The following KCNIP4 variants were observed in gnomAD, a reference collection of about 807,000 sequenced individuals.
KCNIP4 encodes Kv channel-interacting protein 4.
KCNIP4 carries 12 observed loss-of-function variants against 34.0 expected under a neutral mutation model. The ratio of observed to expected loss-of-function variants is 0.35; its 90% CI spans 0.23 to 0.57. The LOEUF is 0.57. Among genes scored for constraint, KCNIP4 ranks in the 20% least tolerant of loss-of-function variants. The pLI, the probability that KCNIP4 is intolerant of heterozygous loss-of-function variation, is 0.83. For missense variants in KCNIP4, 238 were observed against 311.7 expected (o/e 0.76, Z 1.78); for synonymous variants, 124 against 102.2 (o/e 1.21, Z -1.29).
intron 1 of KCNIP4, chr4:21,845,944 A>G (rs1027722322): frequency 6.6e-6 from 1 of 150,684 alleles, no homozygotes; most frequent in Non-Finnish European, 1.5e-5. Context: ...CATATTAAAT[A>G]TGCCCTAGTG....
intron 3 of KCNIP4, among the ~76,000 whole-genome samples, chr4:20,771,568 C>T (rs1197611247): frequency 2.0e-5 from 3 of 152,194 alleles, no homozygotes; most frequent in Middle Eastern, 3.4e-3. Context: ...CTATAGATTA[C>T]GGTGGTGGGT....
At chr4:20,743,077 C>T (rs548253948) in intron 5 of KCNIP4, among the ~76,000 whole-genome samples, 2 of 141,316 alleles carry the variant, frequency 1.4e-5, no homozygotes, top group African/African-American at 5.6e-5. Context: ...ATAAGTTCAC[C>T]CTTATGTGAA....
chr4:21,523,927 A>C (rs2108956589), intron 1 of KCNIP4, among the ~76,000 whole-genome samples: 1 of 152,188 alleles, frequency 6.6e-6, no homozygotes, highest in South Asian at 2.1e-4. Context: ...TTTTAATGAT[A>C]TATTGGATAA....
chr4:21,226,531 G>C (rs559746506), intron 1 of KCNIP4, among the ~76,000 whole-genome samples: 3 of 152,172 alleles, frequency 2.0e-5, no homozygotes, highest in Non-Finnish European at 1.5e-5. Context: ...TTATTGTAAA[G>C]GATGCTTTAT....
intron 1 of KCNIP4, among the ~76,000 whole-genome samples, chr4:21,380,061 GA>G (rs1296171077): frequency 6.6e-6 from 1 of 152,056 alleles, no homozygotes; most frequent in Non-Finnish European, 1.5e-5. Context: ...ATTGGTGATT[GA>G]CAGATATTGC....
rs561128403 is a variant in KCNIP4 at position 21,869,834 on chromosome 4, T to TACACACATACA, written c.61+78726_61+78736dup. On this transcript the variant is annotated intron_variant, in intron 1 of 8. Transcript: ENST00000382152. The stretch of plus-strand genomic sequence containing the variant: ...TAGATCTATAGATAGGTATATCGCA[T>TACACACATACA]ACACACATACAACACACATACAACA... Among the ~76,000 whole-genome samples, 117 of 152,152 alleles carry TACACACATACA rather than the reference T, an allele frequency of 7.7e-4. 1 individual carries two copies. Among genetic ancestry groups the TACACACATACA allele is most frequent in the African/African-American group, 2.6e-3 (108 of 41,470 alleles).
Position 21,576,410 on chromosome 4 carries a change from T to G in KCNIP4, c.61+372161A>C, listed in dbSNP as rs375738919. On this transcript the variant is annotated intron_variant, in intron 1 of 8. Coordinates refer to ENST00000382152, the MANE Select transcript of KCNIP4 (RefSeq NM_025221.6). Reference sequence around the variant, plus strand: ...GAGCACAGTATTTTGCATTTTCTGCTAATGCCGAAAAACACATTTAAATAT... The same window carrying G: ...GAGCACAGTATTTTGCATTTTCTGCGAATGCCGAAAAACACATTTAAATAT... Among the ~76,000 whole-genome samples, 34 of 152,308 alleles carry G rather than the reference T, an allele frequency of 2.2e-4. No homozygotes were observed. In the East Asian group the frequency reaches 4.8e-3, roughly 22 times the overall value.
chr4:21,508,083 C>T (rs1485106170), intron 1 of KCNIP4, among the ~76,000 whole-genome samples: 1 of 152,160 alleles, frequency 6.6e-6, no homozygotes, highest in African/African-American at 2.4e-5. Flanking sequence ...ACACAGCATC[C>T]AAACACCATA....
At chr4:21,290,989 A>C (rs937931524) in intron 1 of KCNIP4, among the ~76,000 whole-genome samples, 2 of 152,232 alleles carry the variant, frequency 1.3e-5, no homozygotes, top group Non-Finnish European at 2.9e-5. Flanking sequence ...TAGAAGAAGT[A>C]GAGGCTCAGA....
chr4:21,532,120 G>T (rs576088157), intron 1 of KCNIP4, among the ~76,000 whole-genome samples: 1 of 152,088 alleles, frequency 6.6e-6, no homozygotes, highest in African/African-American at 2.4e-5. Context: ...ACTGCAAAAC[G>T]AAGTCGCTGT....
intron 3 of KCNIP4, among the ~76,000 whole-genome samples, chr4:20,789,638 T>C (rs1712467417): frequency 6.6e-6 from 1 of 152,028 alleles, no homozygotes; most frequent in Admixed American, 6.6e-5. Flanking sequence ...ACTAGGTCAT[T>C]GAGGTTTGCC....
intron 1 of KCNIP4, among the ~76,000 whole-genome samples, chr4:21,594,936 A>C (rs978375815): frequency 6.6e-6 from 1 of 152,058 alleles, no homozygotes; most frequent in Non-Finnish European, 1.5e-5. Context: ...GGTCATGAAA[A>C]GTAATGGCAA....
At chr4:21,527,170 A>T (rs746022572) in intron 1 of KCNIP4, among the ~76,000 whole-genome samples, 3 of 152,174 alleles carry the variant, frequency 2.0e-5, no homozygotes, top group Non-Finnish European at 4.4e-5. Flanking sequence ...TAGTAAGTGA[A>T]CATATACTGT....
chr4:21,373,257 G>C (rs1299962671), intron 1 of KCNIP4, among the ~76,000 whole-genome samples: 1 of 146,532 alleles, frequency 6.8e-6, no homozygotes, highest in Non-Finnish European at 1.5e-5. Context: ...TGGGAGTTGA[G>C]GGTTGCAGTG....
At chr4:21,409,739 TATA>T (rs571152282) in intron 1 of KCNIP4, among the ~76,000 whole-genome samples, 1 of 152,162 alleles carries the variant, frequency 6.6e-6, no homozygotes, top group Non-Finnish European at 1.5e-5. Flanking sequence ...CTGAACTGAA[TATA>T]ATAAGGTAAA....
intron 1 of KCNIP4, among the ~76,000 whole-genome samples, chr4:21,057,709 G>C (rs10017398): frequency 0.047 from 7,096 of 152,218 alleles, 238 homozygotes; most frequent in African/African-American, 0.099. Flanking sequence ...TGAGAATTAT[G>C]TGTCTTATTA....
intron 1 of KCNIP4, among the ~76,000 whole-genome samples, chr4:21,583,816 AC>A (rs2109078096): frequency 6.6e-6 from 1 of 152,162 alleles, no homozygotes; most frequent in South Asian, 2.1e-4. Context: ...TCAGTGACAC[AC>A]AGAAGTTTCT....
At chr4:21,433,076 C>A (rs1726632027) in intron 1 of KCNIP4, among the ~76,000 whole-genome samples, 1 of 152,164 alleles carries the variant, frequency 6.6e-6, no homozygotes, top group Non-Finnish European at 1.5e-5. Flanking sequence ...GACCCCAATT[C>A]TTTCACCTAT....
At chr4:21,710,186 C>T (rs1713611357) in intron 1 of KCNIP4, among the ~76,000 whole-genome samples, 1 of 152,160 alleles carries the variant, frequency 6.6e-6, no homozygotes, top group South Asian at 2.1e-4. Flanking sequence ...AATTCAATTT[C>T]AACTAGGTAA....
Sources: allele counts gnomAD v4.1 joint callset (sites outside exome capture counted in the v4.1 genomes callset), GRCh38; gene constraint gnomAD v4.1.1; transcripts MANE v1.5; gene names NCBI Gene and HGNC (gene_info 2026-07-23, HGNC 2026-07-21).